Variants in CCDC88B observed in about 807,000 individuals in gnomAD.
CCDC88B encodes coiled-coil and HOOK domain protein 88B, also known as coiled-coil domain-containing protein 88B.
Under a neutral mutation model 183.7 loss-of-function variants are expected in CCDC88B, and 138 were observed. That is an observed-to-expected ratio of 0.75 (90% CI 0.65 to 0.87). CCDC88B has a LOEUF of 0.87. Ranked by LOEUF, CCDC88B falls within the 40% of genes least tolerant of loss-of-function variation. The pLI, the probability that CCDC88B is intolerant of heterozygous loss-of-function variation, is 0.00. For synonymous variants in CCDC88B, 835 were observed against 867.5 expected (o/e 0.96, Z 0.66); for missense variants, 1,822 against 1,965.6 (o/e 0.93, Z 1.38).
In CCDC88B at chr11:64,341,517, T is replaced by A; in HGVS notation, c.531+13T>A. On this transcript the variant is annotated intron_variant, in intron 6 of 26. Transcript: ENST00000356786. ...TGCCATCCAGGAGGTACTGAGACGG[T>A]TCGGCAGCCCAGACTGGTATGGCAC... is the stretch of plus-strand genomic sequence containing the variant. 1 of 1,613,516 alleles carries A rather than the reference T, an allele frequency of 6.2e-7. No homozygotes were observed. Among genetic ancestry groups the A allele is most frequent in the South Asian group, 1.1e-5 (1 of 91,080 alleles).
chr11:64,348,525 T>C (rs968811289), intron 14 of CCDC88B, among the ~76,000 whole-genome samples: 1 of 152,166 alleles, frequency 6.6e-6, no homozygotes, highest in Admixed American at 6.5e-5. Flanking sequence ...ATCGGACTTG[T>C]AGTTTTTCAG....
At chr11:64,351,716 C>G in intron 18 of CCDC88B, 100 bp downstream of exon 18, 1 of 1,359,164 alleles carries the variant, frequency 7.4e-7, no homozygotes. Flanking sequence ...TCCCAGCCAG[C>G]TGCCCCACCT....
chr11:64,340,577 G>A (rs780645748), intron 1 of CCDC88B, 30 bp from the exon 2 acceptor site: 2 of 1,596,192 alleles, frequency 1.3e-6, no homozygotes, highest in Non-Finnish European at 1.7e-6. Context: ...TCACTCTGCT[G>A]GTCGGCTGAC....
chr11:64,345,221 T>C (rs1565049090), intron 14 of CCDC88B, 64 bp downstream of exon 14: 28 of 1,495,634 alleles, frequency 1.9e-5, no homozygotes, highest in Non-Finnish European at 2.5e-5. Context: ...TGGGAGTTAC[T>C]GATTCCATCA....
intron 10 of CCDC88B, 144 bp downstream of exon 10, chr11:64,342,824 G>A (rs1314683556): frequency 2.9e-6 from 3 of 1,030,444 alleles, no homozygotes; most frequent in Non-Finnish European, 4.1e-6. Context: ...ACAAATTCAG[G>A]GAGGTGGCGT....
chr11:64,352,657 C>A (rs2036384367), intron 19 of CCDC88B, 87 bp from the exon 20 acceptor site: 5 of 1,568,446 alleles, frequency 3.2e-6, no homozygotes, highest in Non-Finnish European at 4.3e-6. Flanking sequence ...GGTGACAGAC[C>A]CCCCCGCCCC....
At chr11:64,341,366 T>C (rs1297117580) in intron 5 of CCDC88B, 38 bp downstream of exon 5, 1 of 1,613,850 alleles carries the variant, frequency 6.2e-7, no homozygotes, top group Non-Finnish European at 8.5e-7. Context: ...AGGGTCGAGC[T>C]TTGGCGGTAG....
At chr11:64,348,691 C>T in intron 14 of CCDC88B, 1 of 408,264 alleles carries the variant, frequency 2.4e-6, no homozygotes, top group Non-Finnish European at 4.4e-6. Flanking sequence ...GGCAGCTGTC[C>T]CCGAAGCTTC....
chr11:64,342,922 CG>C (rs1160663151), intron 10 of CCDC88B: 78 of 235,772 alleles, frequency 3.3e-4, no homozygotes, highest in East Asian at 5.0e-4. Context: ...GGGCTGTTCC[CG>C]GGGGGGAGGG....
At chr11:64,352,036 G>A (rs1591295334) in intron 18 of CCDC88B, 94 bp from the exon 19 acceptor site, 3 of 1,477,110 alleles carry the variant, frequency 2.0e-6, no homozygotes, top group Non-Finnish European at 2.7e-6. Context: ...TCATTGTCTT[G>A]GGCCCTACCG....
chr11:64,344,391 C>T lies in CCDC88B; in HGVS notation c.1850C>T (p.Pro617Leu), dbSNP rs144275681. The T allele has an allele frequency of 4.9e-5, 77 of 1,583,962 alleles. 2 individuals carry two copies. The South Asian group carries it at 6.0e-4, about 12-fold the overall frequency. Residue 617 changes from proline (P) to leucine (L), a missense_variant, in exon 14 of 27, where the codon CCG becomes CTG. By Grantham distance (98) the Pro-to-Leu change is moderately conservative. Transcript: ENST00000356786. The surrounding 1 kb of genome is among the most constrained non-coding windows in gnomAD (Gnocchi z 4.5). ...GGTCCAGGGACCAAAATTCAGGCCC[C>T]GCAGTTGCTGGGAGGAGAGACAGAG... ...PQGPGTKIQA[P>L]QLLGGETEGR...
chr11:64,342,510 C>A lies in CCDC88B; in HGVS notation c.904-12C>A. 1.3e-6 allele frequency: 2 copies of A among 1,527,398 alleles called. No individual in the cohort carries two copies. Among genetic ancestry groups the A allele is most frequent in the East Asian group, 2.5e-5 (1 of 40,788 alleles). 94.6% of individuals were successfully genotyped at this position (1,527,398 alleles called of 1,614,324 possible). On this transcript the variant is annotated splice_polypyrimidine_tract_variant and intron_variant, in intron 9 of 26. Transcript: ENST00000356786. ...CGGCTGGCTGTTCCCAGCTCCACACCGTCTGGCCCAGGCCCAGGCGCTGTC... is the reference window on the plus strand; with the variant it reads ...CGGCTGGCTGTTCCCAGCTCCACACAGTCTGGCCCAGGCCCAGGCGCTGTC...
chr11:64,354,659 GT>G (rs2036471236), intron 24 of CCDC88B, among the ~76,000 whole-genome samples: 1 of 124,604 alleles, frequency 8.0e-6, no homozygotes, highest in Admixed American at 8.5e-5. Context: ...CCAGGGCCCT[GT>G]TCCTCTGACC....
rs559597251 is a variant in CCDC88B at position 64,345,100 on chromosome 11, C to T, written c.2559C>T (p.Gly853=). Residue 853 remains glycine, a synonymous_variant, in exon 14 of 27, where the codon GGC becomes GGT. Transcript: ENST00000356786. ...GGATGCAGGTGCTGGAGAGCGAGGG[C>T]CGCCAGCACTTGGAGGAGGCTGAGA... The part of the protein sequence containing the change: ...EERMQVLESE[G]RQHLEEAERE... 3 of 1,551,028 alleles carry T rather than the reference C, an allele frequency of 1.9e-6. No individual in the cohort carries two copies. The highest frequency in any genetic ancestry group is 2.4e-5 in the South Asian group (2 of 84,708).
intron 16 of CCDC88B, 52 bp from the exon 17 acceptor site, chr11:64,351,108 C>G (rs2036309284): frequency 1.5e-6 from 2 of 1,362,048 alleles, no homozygotes; most frequent in Non-Finnish European, 1.9e-6. Context: ...CTTGAGGCAT[C>G]CCCAAGGCAC....
chr11:64,340,393 C>G, intron 1 of CCDC88B, 67 bp downstream of exon 1: 4 of 1,263,646 alleles, frequency 3.2e-6, no homozygotes, highest in Non-Finnish European at 4.1e-6. Flanking sequence ...GGTGTTGGCG[C>G]TGGCCGGGGG....
Position 64,357,522 on chromosome 11 carries a change from T to A in CCDC88B, c.*428T>A. 1.5e-6 allele frequency: 1 copy of A among 680,784 alleles called. No homozygotes were observed. The highest frequency in any genetic ancestry group is 2.7e-6 in the Non-Finnish European group (1 of 364,176). 42.2% of individuals were successfully genotyped at this position (680,784 alleles called of 1,614,324 possible). ...GAGGGGCATGAGAATAAAGCTGAAC[T>A]GCAGCCTCCTGAGTCTTGCTCTGTC... is the stretch of plus-strand genomic sequence containing the variant. On this transcript the variant is annotated 3_prime_UTR_variant, in exon 27 of 27. Coordinates refer to ENST00000356786, the MANE Select transcript of CCDC88B (RefSeq NM_032251.6).
chr11:64,345,099 G>A lies in CCDC88B; in HGVS notation c.2558G>A (p.Gly853Asp). ...CGGATGCAGGTGCTGGAGAGCGAGGGCCGCCAGCACTTGGAGGAGGCTGAG... is the reference window on the plus strand; with the variant it reads ...CGGATGCAGGTGCTGGAGAGCGAGGACCGCCAGCACTTGGAGGAGGCTGAG... Reference protein sequence around the residue: ...EERMQVLESEGRQHLEEAERE... With the variant: ...EERMQVLESEDRQHLEEAERE... The change falls in exon 14 of 27, where the codon GGC (glycine) becomes GAC (aspartate). Residue 853 changes from glycine (G) to aspartate (D), a missense_variant. Coordinates refer to ENST00000356786, the MANE Select transcript of CCDC88B (RefSeq NM_032251.6). 3.9e-6 allele frequency: 6 copies of A among 1,551,088 alleles called. No homozygotes were observed. Among genetic ancestry groups the A allele is most frequent in the Non-Finnish European group, 5.2e-6 (6 of 1,151,490 alleles).
Position 64,344,262 on chromosome 11 carries a change from G to C in CCDC88B, c.1721G>C (p.Trp574Ser). 1 of 1,613,746 alleles carries C rather than the reference G, an allele frequency of 6.2e-7. No homozygotes were observed. The highest frequency in any genetic ancestry group is 1.7e-5 in the Admixed American group (1 of 59,984). Reference protein sequence around the residue: ...AAAMDPQASDWSPQESGSPVE... With the variant: ...AAAMDPQASDSSPQESGSPVE... ...GCCATGGACCCCCAGGCCTCAGACTGGTCCCCGCAAGAGTCAGGCTCTCCT... is the reference window on the plus strand; with the variant it reads ...GCCATGGACCCCCAGGCCTCAGACTCGTCCCCGCAAGAGTCAGGCTCTCCT... The change falls in exon 14 of 27, where the codon TGG (tryptophan) becomes TCG (serine). Residue 574 changes from tryptophan to serine, a missense_variant. Physicochemically the swap from Trp to Ser is radical, Grantham distance 177 (BLOSUM62 -3). Coordinates refer to ENST00000356786, the MANE Select transcript of CCDC88B (RefSeq NM_032251.6). The surrounding 1 kb of genome is among the most constrained non-coding windows in gnomAD (Gnocchi z 4.5).
Sources: allele counts gnomAD v4.1 joint callset (sites outside exome capture counted in the v4.1 genomes callset), GRCh38; gene constraint gnomAD v4.1.1; non-coding constraint Gnocchi (gnomAD v3.1); transcripts MANE v1.5; gene names NCBI Gene and HGNC (gene_info 2026-07-23, HGNC 2026-07-21).